The following GREB1L variants were observed in gnomAD, a reference collection of about 807,000 sequenced individuals.
GREB1L encodes GREB1-like protein.
A neutral mutation model predicts 200.8 loss-of-function variants in GREB1L; 17 were observed. The ratio of observed to expected loss-of-function variants is 0.08; its 90% CI spans 0.06 to 0.13. The LOEUF is 0.13. Ranked by LOEUF, GREB1L falls within the 10% of genes least tolerant of loss-of-function variation. The probability of loss-of-function intolerance (pLI) is 1.00; values close to 1 mark genes in which losing one functional copy is unlikely to be tolerated. For missense variants in GREB1L, 1,657 were observed against 2,367.7 expected, an observed-to-expected ratio of 0.70 and a Z score of 6.23; for synonymous variants, 789 against 893.0, an observed-to-expected ratio of 0.88 and a Z score of 2.08.
chr18:21,478,525 G>T (rs1317779543), intron 17 of GREB1L, among the ~76,000 whole-genome samples: 1 of 152,140 alleles, frequency 6.6e-6, no homozygotes, highest in Non-Finnish European at 1.5e-5. Context: ...ATTTTATTCT[G>T]TCATGAAGTA....
intron 7 of GREB1L, among the ~76,000 whole-genome samples, chr18:21,422,868 G>A (rs1240881046): frequency 6.6e-6 from 1 of 152,092 alleles, no homozygotes; most frequent in Non-Finnish European, 1.5e-5. Context: ...TTCCACAGAG[G>A]CTCACTAATT....
At chr18:21,421,969 G>A (rs1003961936) in intron 7 of GREB1L, among the ~76,000 whole-genome samples, 1 of 152,224 alleles carries the variant, frequency 6.6e-6, no homozygotes, top group Non-Finnish European at 1.5e-5. Flanking sequence ...CCTGGAGCTG[G>A]GAATGCCCTC....
At chr18:21,295,074 C>T (rs1487646242) in intron 1 of GREB1L, among the ~76,000 whole-genome samples, 1 of 152,154 alleles carries the variant, frequency 6.6e-6, no homozygotes, top group African/African-American at 2.4e-5. Flanking sequence ...ATCCCATTAA[C>T]AAAGAATTTC....
At position 21,275,855 on chromosome 18, in the gene GREB1L, C is replaced by T. The variant is rs117308328; in HGVS notation, c.-120+33462C>T. ...TTCACTTGCATATCGTCTCTGACTG[C>T]ATTTGAGCTACAGTGACGGAGTTGA... On this transcript the variant is annotated intron_variant, in intron 1 of 32. Coordinates refer to ENST00000424526, the MANE Select transcript of GREB1L (RefSeq NM_001142966.3). Among the ~76,000 whole-genome samples, 1,258 of 152,270 alleles carry T rather than the reference C, an allele frequency of 8.3e-3. 10 individuals are homozygous for T. The highest frequency in any genetic ancestry group is 0.013 in the South Asian group (64 of 4,830).
At chr18:21,251,281 C>T (rs908533548) in intron 1 of GREB1L, among the ~76,000 whole-genome samples, 1 of 152,134 alleles carries the variant, frequency 6.6e-6, no homozygotes, top group Non-Finnish European at 1.5e-5. Context: ...ACAACTTTTT[C>T]CATGATCATG....
chr18:21,365,802 G>GTA (rs1271698678), intron 1 of GREB1L, among the ~76,000 whole-genome samples: 1 of 151,998 alleles, frequency 6.6e-6, no homozygotes, highest in African/African-American at 2.4e-5. Flanking sequence ...TTATCTTTGA[G>GTA]TATATATAAT....
At chr18:21,265,293 C>T (rs1350258061) in intron 1 of GREB1L, among the ~76,000 whole-genome samples, 2 of 151,918 alleles carry the variant, frequency 1.3e-5, no homozygotes, top group East Asian at 1.9e-4. Context: ...TGAAATAGTA[C>T]ATATTCATAT....
At chr18:21,391,446 C>T (rs973296291) in intron 4 of GREB1L, among the ~76,000 whole-genome samples, 2 of 152,190 alleles carry the variant, frequency 1.3e-5, no homozygotes, top group African/African-American at 2.4e-5. Context: ...ACAACAAAAT[C>T]GCCTCTTAGA....
At chr18:21,246,519 G>GT (rs1170979379) in intron 1 of GREB1L, among the ~76,000 whole-genome samples, 1 of 152,204 alleles carries the variant, frequency 6.6e-6, no homozygotes, top group East Asian at 1.9e-4. Flanking sequence ...GTGAGGGATA[G>GT]TTTTTTCCGC....
intron 7 of GREB1L, among the ~76,000 whole-genome samples, chr18:21,411,901 C>T (rs1014801068): frequency 3.3e-5 from 5 of 151,486 alleles, no homozygotes; most frequent in Admixed American, 1.3e-4. Context: ...AAAAATTAGC[C>T]GGGCGCAGTG....
At chr18:21,487,809 T>C (rs2036181830) in intron 18 of GREB1L, among the ~76,000 whole-genome samples, 1 of 150,638 alleles carries the variant, frequency 6.6e-6, no homozygotes, top group Non-Finnish European at 1.5e-5. Flanking sequence ...GAGACCAGCC[T>C]GGCCAACGTG....
chr18:21,343,900 C>G (rs1355445091), intron 1 of GREB1L, among the ~76,000 whole-genome samples: 4 of 151,896 alleles, frequency 2.6e-5, no homozygotes, highest in Non-Finnish European at 5.9e-5. Context: ...CTCAGCTTCC[C>G]GAGTAGGTGG....
chr18:21,482,750 A>G (rs2035972365), intron 17 of GREB1L, among the ~76,000 whole-genome samples: 1 of 151,174 alleles, frequency 6.6e-6, no homozygotes, highest in Non-Finnish European at 1.5e-5. Context: ...AGTGAGACCA[A>G]GGGCCAACAA....
intron 1 of GREB1L, among the ~76,000 whole-genome samples, chr18:21,314,814 C>T (rs2038842991): frequency 6.6e-6 from 1 of 152,058 alleles, no homozygotes; most frequent in African/African-American, 2.4e-5. Flanking sequence ...ATTTTATTTA[C>T]AAAAATAGCC....
At chr18:21,448,103 A>T (rs944686065) in intron 11 of GREB1L, among the ~76,000 whole-genome samples, 8 of 150,960 alleles carry the variant, frequency 5.3e-5, no homozygotes, top group Admixed American at 4.0e-4. Flanking sequence ...TGGAGGTTGC[A>T]GTGAGCCGAG....
At chr18:21,302,881 C>G (rs1393674167) in intron 1 of GREB1L, among the ~76,000 whole-genome samples, 2 of 152,116 alleles carry the variant, frequency 1.3e-5, no homozygotes, top group African/African-American at 4.8e-5. Flanking sequence ...GCCACCATGC[C>G]TGACTAATTT....
chr18:21,497,888 C>G (rs1442294465), intron 21 of GREB1L, among the ~76,000 whole-genome samples: 1 of 129,752 alleles, frequency 7.7e-6, no homozygotes, highest in Non-Finnish European at 1.6e-5. Flanking sequence ...GTGGCACGAT[C>G]TCAGCTCACT....
At chr18:21,251,812 G>T (rs1311445195) in intron 1 of GREB1L, among the ~76,000 whole-genome samples, 2 of 152,058 alleles carry the variant, frequency 1.3e-5, no homozygotes, top group Admixed American at 6.6e-5. Flanking sequence ...GGGCATGGTG[G>T]CGCATGCCTG....
intron 1 of GREB1L, among the ~76,000 whole-genome samples, chr18:21,266,655 C>T (rs751351030): frequency 9.2e-5 from 14 of 152,134 alleles, no homozygotes; most frequent in Non-Finnish European, 1.5e-4. Context: ...AAAAACACTG[C>T]TGTATAGAAT....
Sources: allele counts gnomAD v4.1 joint callset (sites outside exome capture counted in the v4.1 genomes callset), GRCh38; gene constraint gnomAD v4.1.1; transcripts MANE v1.5; gene names NCBI Gene and HGNC (gene_info 2026-07-23, HGNC 2026-07-21).